The following AP1S3 variants were observed in gnomAD, a reference collection of about 807,000 sequenced individuals.
AP1S3 encodes the protein AP-1 complex subunit sigma-3.
AP1S3 carries 10 observed loss-of-function variants against 20.9 expected under a neutral mutation model. The ratio of observed to expected loss-of-function variants is 0.48; its 90% confidence interval spans 0.29 to 0.81. AP1S3 has a LOEUF of 0.81. Ranked by LOEUF, AP1S3 falls within the 30% of genes least tolerant of loss-of-function variation. AP1S3 has a pLI of 0.08. For missense variants in AP1S3, 154 were observed against 183.8 expected, an observed-to-expected ratio of 0.84 and a Z score of 0.94; for synonymous variants, 41 against 61.5, an observed-to-expected ratio of 0.67 and a Z score of 1.56.
At chr2:223,761,210 T>C (rs1164045488) in intron 4 of AP1S3, among the ~76,000 whole-genome samples, 1 of 152,236 alleles carries the variant, frequency 6.6e-6, no homozygotes, top group Non-Finnish European at 1.5e-5. Context: ...CTGGAGTCTG[T>C]ATCTTGGGTC....
intron 3 of AP1S3, among the ~76,000 whole-genome samples, chr2:223,765,704 T>C (rs1258325753): frequency 6.6e-6 from 1 of 152,226 alleles, no homozygotes; most frequent in African/African-American, 2.4e-5. Flanking sequence ...TCTCCTGCTC[T>C]CTGCTCTGTA....
chr2:223,804,066 G>A (rs1233861780), intron 1 of AP1S3, among the ~76,000 whole-genome samples: 1 of 152,104 alleles, frequency 6.6e-6, no homozygotes, highest in East Asian at 1.9e-4. Flanking sequence ...TAATTTCACA[G>A]GCTGAACAAT....
At chr2:223,772,603 C>T (rs1041020051) in intron 3 of AP1S3, among the ~76,000 whole-genome samples, 4 of 152,012 alleles carry the variant, frequency 2.6e-5, no homozygotes, top group East Asian at 1.9e-4. Context: ...TACTGAAGAT[C>T]GGAAGATTAA....
At chr2:223,824,093 T>C (rs977954751) in intron 1 of AP1S3, among the ~76,000 whole-genome samples, 3 of 152,046 alleles carry the variant, frequency 2.0e-5, no homozygotes, top group Non-Finnish European at 4.4e-5. Flanking sequence ...CAGGGCTCAA[T>C]TGATCTTCCC....
At chr2:223,762,268 ATTTTT>A (rs57119521) in intron 4 of AP1S3, among the ~76,000 whole-genome samples, 1 of 105,194 alleles carries the variant, frequency 9.5e-6, no homozygotes. Flanking sequence ...GTGCCCAGCA[ATTTTT>A]TTTTTTTTTT....
In AP1S3 at chr2:223,789,445, G is replaced by A. The variant is rs530605022; in HGVS notation, c.4-11576C>T. Among the ~76,000 whole-genome samples the A allele has an allele frequency of 7.2e-5, 11 of 152,282 alleles. No individual in the cohort carries two copies. The East Asian group carries it at 1.7e-3, about 24-fold the overall frequency. Reference sequence around the variant, plus strand: ...CCAGCTACTCCAGAGGCTGAAGCAGGAGGATCACTTGAGCCCAGGAGTTCA... The same window carrying A: ...CCAGCTACTCCAGAGGCTGAAGCAGAAGGATCACTTGAGCCCAGGAGTTCA... On this transcript the variant is annotated intron_variant, in intron 1 of 4. Transcript: ENST00000396654.
chr2:223,831,354 G>A (rs989832489), intron 1 of AP1S3, among the ~76,000 whole-genome samples: 7 of 151,868 alleles, frequency 4.6e-5, no homozygotes, highest in African/African-American at 7.3e-5. Context: ...GGCTGGTCTC[G>A]AACTTCCAGA....
rs964798486 is a variant in AP1S3 at position 223,770,301 on chromosome 2, T to C, written c.292-4951A>G. 5 of 1,550,370 alleles carry C rather than the reference T, an allele frequency of 3.2e-6. No individual in the cohort carries two copies. In the African/African-American group the frequency reaches 6.8e-5, roughly 21 times the overall value. ...GAATCCAAGACAGACAGGAGCCTCA[T>C]TAGGAGAAACCAGCAATTAAACTCC... is the stretch of plus-strand genomic sequence containing the variant. On this transcript the variant is annotated intron_variant, in intron 3 of 4. Coordinates refer to ENST00000396654, the MANE Select transcript of AP1S3 (RefSeq NM_001039569.2).
At position 223,837,569 on chromosome 2, in the gene AP1S3, C is replaced by T. The variant is rs1007162217; in HGVS notation, c.-119G>A. 2 of 582,802 alleles carry T rather than the reference C, an allele frequency of 3.4e-6. No homozygotes were observed. The highest frequency in any genetic ancestry group is 4.4e-5 in the Admixed American group (1 of 22,658). 36.1% of individuals were successfully genotyped at this position (582,802 alleles called of 1,614,324 possible). ...GTGAGGCGCCCGGCTTAGACCATGG[C>T]TGCTTCCCACAATGCCCTGGCACTG... On this transcript the variant is annotated 5_prime_UTR_variant, in exon 1 of 5. Coordinates refer to ENST00000396654, the MANE Select transcript of AP1S3 (RefSeq NM_001039569.2).
intron 1 of AP1S3, among the ~76,000 whole-genome samples, chr2:223,783,395 T>C (rs1366340557): frequency 6.6e-6 from 1 of 152,114 alleles, no homozygotes; most frequent in Non-Finnish European, 1.5e-5. Context: ...CCCAAAGACA[T>C]CAGGTGATTC....
intron 1 of AP1S3, among the ~76,000 whole-genome samples, chr2:223,779,335 A>G (rs974072708): frequency 4.0e-5 from 6 of 151,244 alleles, no homozygotes; most frequent in Non-Finnish European, 5.9e-5. Flanking sequence ...CTTGAGCCCA[A>G]GGGTTTGAGA....
chr2:223,780,304 TATATAGAGAGAGAGAG>T (rs1195708753), intron 1 of AP1S3, among the ~76,000 whole-genome samples: 14 of 46,022 alleles, frequency 3.0e-4, no homozygotes, highest in African/African-American at 6.7e-4. Flanking sequence ...TATATATATA[TATATAGAGAGAGAGAG>T]AGAGAGAGAG....
At chr2:223,806,277 ATTTTTTTTTT>A (rs144953846) in intron 1 of AP1S3, among the ~76,000 whole-genome samples, 1 of 111,058 alleles carries the variant, frequency 9.0e-6, no homozygotes, top group Non-Finnish European at 1.7e-5. Flanking sequence ...AAACAAAGGA[ATTTTTTTTTT>A]TTTTTTTTTT....
At position 223,793,145 on chromosome 2, in the gene AP1S3, A is replaced by G. The variant is rs1468052203; in HGVS notation, c.4-15276T>C. Among the ~76,000 whole-genome samples the G allele has an allele frequency of 3.3e-5, 5 of 152,322 alleles. No individual in the cohort carries two copies. In the East Asian group the frequency reaches 9.6e-4, roughly 29 times the overall value. ...GGTGGAAGTGTAAATTAGTTCAAAC[A>G]TTGTGGAAGACAGTGTCGCAATCCC... is the stretch of plus-strand genomic sequence containing the variant. On this transcript the variant is annotated intron_variant, in intron 1 of 4. Coordinates refer to ENST00000396654, the MANE Select transcript of AP1S3 (RefSeq NM_001039569.2).
Position 223,801,664 on chromosome 2 carries a change from G to A in AP1S3, c.4-23795C>T, listed in dbSNP as rs185031756. Among the ~76,000 whole-genome samples the A allele has an allele frequency of 3.3e-5, 5 of 152,110 alleles. No individual in the cohort carries two copies. In the East Asian group the frequency reaches 5.8e-4, roughly 18 times the overall value. ...TCACCATGTTGGCCAGGCTGGTCTC[G>A]AACTCCTGACTCCAAGTGGTCTGCC... On this transcript the variant is annotated intron_variant, in intron 1 of 4. Coordinates refer to ENST00000396654, the MANE Select transcript of AP1S3 (RefSeq NM_001039569.2).
At chr2:223,763,500 A>G (rs1574684133) in intron 4 of AP1S3, among the ~76,000 whole-genome samples, 1 of 149,742 alleles carries the variant, frequency 6.7e-6, no homozygotes, top group African/African-American at 2.5e-5. Context: ...TTAAAAAAAA[A>G]CCTCCACCCC....
At chr2:223,758,990 G>A (rs1308246041) in intron 4 of AP1S3, among the ~76,000 whole-genome samples, 1 of 152,176 alleles carries the variant, frequency 6.6e-6, no homozygotes, top group African/African-American at 2.4e-5. Context: ...ATCATAAAGT[G>A]AATGTCTGAT....
At chr2:223,837,227 C>T (rs568866018) in intron 1 of AP1S3, among the ~76,000 whole-genome samples, 1 of 150,712 alleles carries the variant, frequency 6.6e-6, no homozygotes. Flanking sequence ...GGAGCCGCGG[C>T]GCCGCGGCGC....
chr2:223,835,420 G>A (rs923747154), intron 1 of AP1S3, among the ~76,000 whole-genome samples: 3 of 152,196 alleles, frequency 2.0e-5, no homozygotes, highest in Non-Finnish European at 2.9e-5. Context: ...ACTTTGGGAG[G>A]CCGATGCAGG....
Sources: gnomAD v4.1 joint callset for allele counts (sites outside exome capture counted in the v4.1 genomes callset) on GRCh38, gnomAD v4.1.1 for gene constraint, MANE v1.5 for transcripts, NCBI Gene and HGNC (gene_info 2026-07-23, HGNC 2026-07-21) for gene names.